The following TUBB6 variants were observed in gnomAD, a reference collection of about 807,000 sequenced individuals.
TUBB6 encodes tubulin beta-6 chain.
In TUBB6, 18 loss-of-function variants were observed where a neutral mutation model predicts 32.3. The observed-to-expected ratio is 0.56, with a 90% confidence interval of 0.39 to 0.83. TUBB6 has a LOEUF of 0.83. Among genes scored for constraint, TUBB6 ranks in the 40% least tolerant of loss-of-function variants. The probability of loss-of-function intolerance (pLI) is 0.00; values close to 1 mark genes in which losing one functional copy is unlikely to be tolerated. For missense variants in TUBB6, 480 were observed against 632.0 expected, an observed-to-expected ratio of 0.76 and a Z score of 2.58; for synonymous variants, 280 against 265.8, an observed-to-expected ratio of 1.05 and a Z score of -0.52.
At chr18:12,324,415 T>G (rs1382754821) in intron 3 of TUBB6, among the ~76,000 whole-genome samples, 1 of 149,798 alleles carries the variant, frequency 6.7e-6, no homozygotes. Context: ...CATAGTACAG[T>G]ATAAGATTCA....
chr18:12,319,936 G>A (rs150627911), intron 3 of TUBB6, among the ~76,000 whole-genome samples: 2,610 of 151,920 alleles, frequency 0.017, 37 homozygotes, highest in Non-Finnish European at 0.027. Flanking sequence ...ACAGGCGCCC[G>A]CCACCATGCC....
chr18:12,314,795 T>A (rs557069046), intron 3 of TUBB6, among the ~76,000 whole-genome samples: 1 of 152,286 alleles, frequency 6.6e-6, no homozygotes, highest in Admixed American at 6.5e-5. Flanking sequence ...TAGCTCTGGG[T>A]TTCTGGCAAC....
intron 3 of TUBB6, among the ~76,000 whole-genome samples, chr18:12,316,024 G>A (rs1380505427): frequency 3.3e-5 from 5 of 152,252 alleles, no homozygotes; most frequent in African/African-American, 1.2e-4. Context: ...AGCAGGTCAT[G>A]GCTGTCTGGC....
Position 12,308,749 on chromosome 18 carries a change from G to C in TUBB6, c.120G>C (p.Ser40=). The change falls in exon 2 of 4, where the codon TCG becomes TCC. Residue 40 remains serine (S), a synonymous_variant. Transcript: ENST00000317702. ...IDPAGGYVGD[S]ALQLERINVY... Reference sequence around the variant, plus strand: ...CGGCCGGAGGCTACGTGGGAGACTCGGCGCTGCAGCTGGAGAGAATCAACG... The same window carrying C: ...CGGCCGGAGGCTACGTGGGAGACTCCGCGCTGCAGCTGGAGAGAATCAACG... 1.2e-6 allele frequency: 2 copies of C among 1,613,222 alleles called. No homozygotes were observed. Among genetic ancestry groups the C allele is most frequent in the Admixed American group, 1.7e-5 (1 of 60,014 alleles).
chr18:12,308,426 C>T (rs1224009024), intron 1 of TUBB6, 77 bp downstream of exon 1: 4 of 1,159,330 alleles, frequency 3.5e-6, no homozygotes, highest in Admixed American at 4.3e-5. Flanking sequence ...CGACCCCCGC[C>T]GGGGCGCGCA....
rs1249698178 is a variant in TUBB6 at position 12,308,420 on chromosome 18, C to T, written c.57+71C>T. ...CGGGCCCCGGGTCTCCCGGCGCGAC[C>T]CCCGCCGGGGCGCGCACCCGCTGTG... On this transcript the variant is annotated intron_variant, in intron 1 of 3. Transcript: ENST00000317702. The T allele has an allele frequency of 6.7e-6, 8 of 1,195,832 alleles. No homozygotes were observed. The African/African-American group carries it at 8.1e-5, about 12-fold the overall frequency. 74.1% of individuals were successfully genotyped at this position (1,195,832 alleles called of 1,614,324 possible).
At position 12,308,315 on chromosome 18, in the gene TUBB6, A is replaced by C. The variant is rs781641186; in HGVS notation, c.23A>C (p.Gln8Pro). 2 of 1,482,486 alleles carry C rather than the reference A, an allele frequency of 1.3e-6. No individual in the cohort carries two copies. 91.8% of individuals were successfully genotyped at this position (1,482,486 alleles called of 1,614,324 possible). A position where few individuals can be genotyped will look rare whatever the true frequency, so the allele number is the denominator to read the frequency against. MREIVHI[Q>P]AGQCGNQIGT... Reference sequence around the variant, plus strand: ...GCCATGAGGGAGATCGTGCACATCCAGGCGGGCCAGTGCGGGAACCAGATC... The same window carrying C: ...GCCATGAGGGAGATCGTGCACATCCCGGCGGGCCAGTGCGGGAACCAGATC... The change falls in exon 1 of 4, where the codon CAG (glutamine) becomes CCG (proline). Residue 8 changes from glutamine to proline, a missense_variant. Coordinates refer to ENST00000317702, the MANE Select transcript of TUBB6 (RefSeq NM_032525.3).
intron 3 of TUBB6, among the ~76,000 whole-genome samples, chr18:12,324,530 C>T (rs370535586): frequency 2.6e-5 from 4 of 151,554 alleles, no homozygotes; most frequent in East Asian, 2.0e-4. Context: ...AGAACCTCCA[C>T]CTCCCAGGTC....
Position 12,326,133 on chromosome 18 carries a change from G to C in TUBB6, c.*3G>C. 1 of 1,607,338 alleles carries C rather than the reference G, an allele frequency of 6.2e-7. No individual in the cohort carries two copies. Among genetic ancestry groups the C allele is most frequent in the Non-Finnish European group, 8.5e-7 (1 of 1,176,294 alleles). On this transcript the variant is annotated 3_prime_UTR_variant, in exon 4 of 4. Coordinates refer to ENST00000317702, the MANE Select transcript of TUBB6 (RefSeq NM_032525.3). ...AGGAAGAGGAGATCGATGGATAGTC[G>C]GAATAGAGCCGCCCCAACTCAGATC...
At chr18:12,327,598 A>C (rs1239405292), downstream of TUBB6, among the ~76,000 whole-genome samples, 1 of 152,194 alleles carries the variant, frequency 6.6e-6, no homozygotes, top group Non-Finnish European at 1.5e-5. Context: ...ATCTGTCCTG[A>C]AAACATGTTC....
chr18:12,308,151 C>CGGCGG (rs1465209289), upstream of TUBB6: 1 of 343,066 alleles, frequency 2.9e-6, no homozygotes, highest in Non-Finnish European at 4.1e-6. Context: ...CGAGCGGGGG[C>CGGCGG]GGCGGGGCGG....
intron 3 of TUBB6, among the ~76,000 whole-genome samples, chr18:12,322,076 G>C (rs910806707): frequency 3.3e-5 from 5 of 151,960 alleles, no homozygotes; most frequent in Admixed American, 1.3e-4. Flanking sequence ...CGAGGTGGGC[G>C]GATCACTTGA....
chr18:12,311,083 CTTCT>C (rs768617557), intron 3 of TUBB6, 30 bp downstream of exon 3: 1 of 1,537,736 alleles, frequency 6.5e-7, no homozygotes, highest in South Asian at 1.1e-5. Flanking sequence ...CTTTCTTCTT[CTTCT>C]TTTATTTTTT....
intron 3 of TUBB6, among the ~76,000 whole-genome samples, chr18:12,316,553 G>C (rs1424440904): frequency 6.6e-6 from 1 of 152,176 alleles, no homozygotes; most frequent in African/African-American, 2.4e-5. Flanking sequence ...GTCTTTAATA[G>C]GAATTTTAGC....
At chr18:12,309,469 C>T (rs1006115512) in intron 2 of TUBB6, among the ~76,000 whole-genome samples, 3 of 138,572 alleles carry the variant, frequency 2.2e-5, no homozygotes, top group Non-Finnish European at 4.6e-5. Context: ...GAGAAACGCT[C>T]TCTTAAGTGA....
Position 12,325,212 on chromosome 18 carries a change from C to T in TUBB6, c.423C>T (p.Gly141=). The change falls in exon 4 of 4, where the codon GGC becomes GGT. Residue 141 remains glycine, a synonymous_variant. Transcript: ENST00000317702. ...TCCAGCTCACGCACTCGCTGGGCGGCGGCACGGGCTCAGGCATGGGCACGC... is the reference window on the plus strand; with the variant it reads ...TCCAGCTCACGCACTCGCTGGGCGGTGGCACGGGCTCAGGCATGGGCACGC... ...QGFQLTHSLG[G]GTGSGMGTLL... The T allele has an allele frequency of 5.0e-6, 8 of 1,613,982 alleles. No individual in the cohort carries two copies. The highest frequency in any genetic ancestry group is 6.8e-6 in the Non-Finnish European group (8 of 1,180,014).
intron 2 of TUBB6, among the ~76,000 whole-genome samples, chr18:12,309,851 ACT>A (rs1425954759): frequency 6.6e-6 from 1 of 152,108 alleles, no homozygotes; most frequent in Non-Finnish European, 1.5e-5. Context: ...AATGAGAGTG[ACT>A]CTGGGGAAAC....
chr18:12,329,024 G>A (rs1907423582), downstream of TUBB6: 8 of 634,500 alleles, frequency 1.3e-5, no homozygotes, highest in Admixed American at 2.1e-4. Flanking sequence ...ATATTTTTAA[G>A]TATGTTACAG....
intron 3 of TUBB6, chr18:12,324,722 A>G (rs1015158919): frequency 2.5e-6 from 3 of 1,206,992 alleles, no homozygotes; most frequent in Non-Finnish European, 3.1e-6. Flanking sequence ...AAGTGCTGGG[A>G]TTACAGGCAT....
Sources: gnomAD v4.1 joint callset for allele counts (sites outside exome capture counted in the v4.1 genomes callset) on GRCh38, gnomAD v4.1.1 for gene constraint, MANE v1.5 for transcripts, NCBI Gene and HGNC (gene_info 2026-07-23, HGNC 2026-07-21) for gene names.